Variants in ATP2B1 observed in about 807,000 individuals in gnomAD.
ATP2B1 encodes the protein ATPase plasma membrane Ca2+ transporting 1.
ATP2B1 carries 14 observed loss-of-function variants against 124.2 expected under a neutral mutation model. The ratio of observed to expected loss-of-function variants is 0.11; its 90% CI spans 0.07 to 0.18. The LOEUF (loss-of-function observed/expected upper bound fraction) is 0.18, where lower values mean the gene tolerates loss of function less well. Ranked by LOEUF, ATP2B1 falls within the 10% of genes least tolerant of loss-of-function variation. ATP2B1 has a pLI of 1.00. For missense variants in ATP2B1, 763 were observed against 1,466.1 expected, an observed-to-expected ratio of 0.52 and a Z score of 7.83; for synonymous variants, 449 against 492.4, an observed-to-expected ratio of 0.91 and a Z score of 1.17.
chr12:89,674,070 A>AG (rs1888322935), intron 1 of ATP2B1, among the ~76,000 whole-genome samples: 1 of 152,204 alleles, frequency 6.6e-6, no homozygotes, highest in South Asian at 2.1e-4. Context: ...GTATTCATAT[A>AG]GTATTTCCTC....
chr12:89,692,972 T>G (rs1052109317), intron 1 of ATP2B1, among the ~76,000 whole-genome samples: 7 of 152,210 alleles, frequency 4.6e-5, no homozygotes, highest in Non-Finnish European at 8.8e-5. Context: ...AAGAACCTAT[T>G]GGCCACACTG....
At chr12:89,696,094 T>C (rs1436200596) in intron 1 of ATP2B1, among the ~76,000 whole-genome samples, 2 of 152,190 alleles carry the variant, frequency 1.3e-5, no homozygotes, top group Non-Finnish European at 2.9e-5. Flanking sequence ...GCACAGTTCC[T>C]GCTCCCAAAC....
chr12:89,609,888 A>G (rs572153680), intron 15 of ATP2B1, 49 bp downstream of exon 15: 1 of 1,534,282 alleles, frequency 6.5e-7, no homozygotes, highest in African/African-American at 1.4e-5. Context: ...ACAAACAAAC[A>G]AACCAGTCAG....
rs563018063 is a variant in ATP2B1 at position 89,624,143 on chromosome 12, T to C, written c.1344+40A>G. On this transcript the variant is annotated intron_variant, in intron 9 of 20. Transcript: ENST00000428670. ...GGGCATTTTCTATACCAGCTAAGGC[T>C]TTAAACATAACAACGTCTACTGAAC... The C allele has an allele frequency of 2.2e-5, 34 of 1,579,628 alleles. No individual in the cohort carries two copies. The African/African-American group carries it at 2.4e-4, about 11-fold the overall frequency.
rs561004498 is a variant in ATP2B1, at chr12:89,595,505, G to T, written c.3351+3612C>A. Among the ~76,000 whole-genome samples the T allele has an allele frequency of 2.0e-4, 30 of 152,172 alleles. No individual in the cohort carries two copies. In the South Asian group the frequency reaches 6.2e-3, roughly 32 times the overall value. ...GAAAAAGGTCTCTTCAGAGATGTTTGAGTCTAGCATTTGACAAAGTCTAAA... is the reference window on the plus strand; with the variant it reads ...GAAAAAGGTCTCTTCAGAGATGTTTTAGTCTAGCATTTGACAAAGTCTAAA... On this transcript the variant is annotated intron_variant, in intron 20 of 20. Transcript: ENST00000428670.
intron 3 of ATP2B1, among the ~76,000 whole-genome samples, chr12:89,635,598 T>C (rs1882566855): frequency 6.6e-6 from 1 of 152,148 alleles, no homozygotes; most frequent in Admixed American, 6.6e-5. Context: ...TCCAGAGTTA[T>C]TGTGAGGATT....
intron 20 of ATP2B1, among the ~76,000 whole-genome samples, chr12:89,597,980 A>G (rs1195714920): frequency 1.4e-5 from 2 of 147,602 alleles, no homozygotes; most frequent in African/African-American, 5.0e-5. Flanking sequence ...AACCATAAAT[A>G]CCACAGAAAC....
rs1873453813 is a variant in ATP2B1, at chr12:89,591,039, G to A, written c.3608C>T (p.Ser1203Phe). The change falls in exon 21 of 21, where the codon TCT becomes TTT. Residue 1203 changes from serine to phenylalanine, a missense_variant. Ser to Phe is a radical substitution (Grantham distance 155). Around this residue, in one of 7 missense-constraint regions of ATP2B1, gnomAD observed 97 missense variants for 94.7 expected, o/e 1.02. Transcript: ENST00000428670. ...GIHLTIEMNK[S>F]ATSSSPGSPL... is the part of the protein sequence containing the mutation. The stretch of plus-strand genomic sequence containing the variant: ...GCTTCCTGGGGATGAAGAGGTAGCA[G>A]ACTTGTTCATTTCTATTGTAAGGTG... 2 of 1,613,156 alleles carry A rather than the reference G, an allele frequency of 1.2e-6. No homozygotes were observed. The highest frequency in any genetic ancestry group is 1.7e-6 in the Non-Finnish European group (2 of 1,179,336).
In ATP2B1 at chr12:89,588,246, G is replaced by T. The variant is rs992576732; in HGVS notation, c.*2738C>A. The T allele has an allele frequency of 2.6e-5, 4 of 152,454 alleles. No individual in the cohort carries two copies. Among genetic ancestry groups the T allele is most frequent in the African/African-American group, 7.2e-5 (3 of 41,406 alleles). 9.4% of individuals were successfully genotyped at this position (152,454 alleles called of 1,614,324 possible). A position where few individuals can be genotyped will look rare whatever the true frequency, so the allele number is the denominator to read the frequency against. On this transcript the variant is annotated 3_prime_UTR_variant, in exon 21 of 21. Coordinates refer to ENST00000428670, the MANE Select transcript of ATP2B1 (RefSeq NM_001366521.1). ...GAGCAATTTCACAGAAATGAAGCCA[G>T]TTTTTTTCTTATAAACAAATCACCA...
chr12:89,599,793 T>C (rs1406328586), intron 19 of ATP2B1, among the ~76,000 whole-genome samples: 1 of 152,014 alleles, frequency 6.6e-6, no homozygotes, highest in Non-Finnish European at 1.5e-5. Flanking sequence ...AATGCAACAG[T>C]TTAAAATTGG....
Position 89,616,965 on chromosome 12 carries a change from G to T in ATP2B1, c.1904C>A (p.Thr635Asn), listed in dbSNP as rs1027306120. The T allele has an allele frequency of 3.7e-6, 6 of 1,613,932 alleles. No individual in the cohort carries two copies. The highest frequency in any genetic ancestry group is 3.3e-5 in the Admixed American group (2 of 59,970). ...RPRDRDDIVK[T>N]VIEPMASEGL... The stretch of plus-strand genomic sequence containing the variant: ...TTCTGATGCCATCGGTTCAATCACA[G>T]TTTTTACAATATCATCACGGTCCCT... Residue 635 changes from threonine (T) to asparagine (N), a missense_variant, in exon 12 of 21, where the codon ACT becomes AAT. Around this residue, in one of 7 missense-constraint regions of ATP2B1, gnomAD observed 392 missense variants for 776.6 expected, o/e 0.50. Transcript: ENST00000428670.
chr12:89,618,460 C>A (rs902957502), intron 11 of ATP2B1, among the ~76,000 whole-genome samples: 2 of 152,180 alleles, frequency 1.3e-5, no homozygotes, highest in Non-Finnish European at 2.9e-5. Context: ...AATGCCTGAT[C>A]AGTTTTGACT....
intron 1 of ATP2B1, among the ~76,000 whole-genome samples, chr12:89,675,868 A>G (rs781486861): frequency 7.2e-5 from 11 of 152,166 alleles, no homozygotes; most frequent in Non-Finnish European, 1.3e-4. Flanking sequence ...GCCAGGAGTT[A>G]TTTTTAGTAT....
chr12:89,599,005 TTGTGGG>T, intron 20 of ATP2B1, 106 bp downstream of exon 20: 3 of 1,263,682 alleles, frequency 2.4e-6, no homozygotes, highest in Non-Finnish European at 3.3e-6. Context: ...AGAATACAAT[TTGTGGG>T]TTGGGAAGGC....
intron 1 of ATP2B1, among the ~76,000 whole-genome samples, chr12:89,706,024 G>C (rs1215781007): frequency 1.3e-5 from 2 of 152,150 alleles, no homozygotes; most frequent in Non-Finnish European, 2.9e-5. Flanking sequence ...ATCAAAAAAG[G>C]AGGCTGTGCC....
At chr12:89,700,179 C>T (rs1215565719) in intron 1 of ATP2B1, among the ~76,000 whole-genome samples, 1 of 152,000 alleles carries the variant, frequency 6.6e-6, no homozygotes, top group African/African-American at 2.4e-5. Flanking sequence ...TAAACTTTAC[C>T]CTAAATCCAC....
intron 1 of ATP2B1, among the ~76,000 whole-genome samples, chr12:89,699,997 A>AC (rs1891640557): frequency 6.8e-6 from 1 of 147,260 alleles, no homozygotes; most frequent in South Asian, 2.1e-4. Flanking sequence ...GGTACACGAC[A>AC]CCATGCCTGG....
chr12:89,677,674 C>A (rs1888774304), intron 1 of ATP2B1, among the ~76,000 whole-genome samples: 1 of 151,970 alleles, frequency 6.6e-6, no homozygotes, highest in African/African-American at 2.4e-5. Flanking sequence ...TTGCTTATTT[C>A]TCCTGATACC....
intron 1 of ATP2B1, among the ~76,000 whole-genome samples, chr12:89,675,256 G>T (rs1360881877): frequency 6.6e-6 from 1 of 152,128 alleles, no homozygotes; most frequent in Non-Finnish European, 1.5e-5. Context: ...CATTAAAAAT[G>T]AACTAGAAAA....
Sources: gnomAD v4.1 joint callset for allele counts (sites outside exome capture counted in the v4.1 genomes callset) on GRCh38, gnomAD v4.1.1 for gene constraint, gnomAD v4.1.1 regional missense constraint, MANE v1.5 for transcripts, NCBI Gene and HGNC (gene_info 2026-07-23, HGNC 2026-07-21) for gene names.